The following PATJ variants were observed in gnomAD, a reference collection of about 807,000 sequenced individuals.
PATJ encodes the protein inaD-like protein.
In PATJ, 190 loss-of-function variants were observed where a neutral mutation model predicts 224.9. That is an observed-to-expected ratio of 0.84 (90% CI 0.75 to 0.95). PATJ has a LOEUF of 0.95. PATJ is among the 40% of genes least tolerant of loss of function. The pLI is 0.00. For synonymous variants in PATJ, 769 were observed against 820.3 expected (o/e 0.94, Z 1.07); for missense variants, 2,121 against 2,270.3 (o/e 0.93, Z 1.34).
intron 33 of PATJ, among the ~76,000 whole-genome samples, chr1:62,095,356 C>A (rs1229781927): frequency 6.6e-6 from 1 of 152,026 alleles, no homozygotes; most frequent in African/African-American, 2.4e-5. Flanking sequence ...GAGGTGATAC[C>A]AAATAACTCT....
At chr1:61,852,943 A>G (rs1663070625) in intron 17 of PATJ, among the ~76,000 whole-genome samples, 1 of 152,232 alleles carries the variant, frequency 6.6e-6, no homozygotes, top group South Asian at 2.1e-4. Flanking sequence ...GTCATCATAA[A>G]AAATGAAGCA....
chr1:61,794,714 G>A (rs887971776), intron 9 of PATJ, among the ~76,000 whole-genome samples: 5 of 151,990 alleles, frequency 3.3e-5, no homozygotes, highest in Non-Finnish European at 5.9e-5. Context: ...TGGGCCAGGC[G>A]TGGTGACTCA....
chr1:61,982,125 G>C (rs2149506715), intron 27 of PATJ, among the ~76,000 whole-genome samples: 1 of 152,096 alleles, frequency 6.6e-6, no homozygotes, highest in Non-Finnish European at 1.5e-5. Context: ...GGGGCAGGGG[G>C]CTTTCTAGTT....
rs1248030161 is a variant in PATJ at position 62,086,387 on chromosome 1, C to T, written c.4377+1739C>T. Among the ~76,000 whole-genome samples, 1 of 152,116 alleles carries T rather than the reference C, an allele frequency of 6.6e-6. No individual in the cohort carries two copies. The highest frequency in any genetic ancestry group is 1.5e-5 in the Non-Finnish European group (1 of 68,014). On this transcript the variant is annotated intron_variant, in intron 33 of 43. Coordinates refer to ENST00000642238, the MANE Select transcript of PATJ (RefSeq NM_001350145.3). The surrounding 1 kb of genome is among the most constrained non-coding windows in gnomAD (Gnocchi z 4.0). ...GGAAAAAAGTGAAAAATAAATCTCC[C>T]TCCTACCTTTTTGCCCTAGCTCTGC...
At chr1:61,778,185 T>C (rs1027063386) in intron 7 of PATJ, among the ~76,000 whole-genome samples, 3 of 152,118 alleles carry the variant, frequency 2.0e-5, no homozygotes, top group Non-Finnish European at 4.4e-5. Context: ...CGCCTGGCCT[T>C]ATTTTTATTT....
chr1:61,806,449 C>T (rs1256178154), intron 13 of PATJ, among the ~76,000 whole-genome samples: 2 of 151,696 alleles, frequency 1.3e-5, no homozygotes, highest in Non-Finnish European at 2.9e-5. Context: ...GAAACCTCGT[C>T]TCTACTAAAA....
chr1:62,053,211 A>G (rs1345954384), intron 31 of PATJ, among the ~76,000 whole-genome samples: 1 of 152,184 alleles, frequency 6.6e-6, no homozygotes, highest in East Asian at 1.9e-4. Flanking sequence ...ACTGCACTTC[A>G]CCAACAATTG....
At chr1:61,831,353 A>G (rs1299659861) in intron 16 of PATJ, among the ~76,000 whole-genome samples, 1 of 152,186 alleles carries the variant, frequency 6.6e-6, no homozygotes, top group Non-Finnish European at 1.5e-5. Context: ...TAAACCAAAG[A>G]ACTTTTGCAC....
intron 27 of PATJ, among the ~76,000 whole-genome samples, chr1:61,986,655 A>C (rs1286168630): frequency 6.6e-6 from 1 of 152,090 alleles, no homozygotes; most frequent in Non-Finnish European, 1.5e-5. Flanking sequence ...TCCTGGGCTC[A>C]AGCAGTCCTC....
rs772724944 is a variant in PATJ, at chr1:61,801,597, TA to T, written c.1403-20del. 31 of 1,412,080 alleles carry T rather than the reference TA, an allele frequency of 2.2e-5. No individual in the cohort carries two copies. The African/African-American group carries it at 3.8e-4, about 17-fold the overall frequency. 87.5% of individuals were successfully genotyped at this position (1,412,080 alleles called of 1,614,324 possible). On this transcript the variant is annotated intron_variant, in intron 11 of 43. Coordinates refer to ENST00000642238, the MANE Select transcript of PATJ (RefSeq NM_001350145.3). ...ATTCAAGTTAGCATTAACAAAATTT[TA>T]AAAAATTATTTTTTTTTGTTTTAGG...
chr1:61,963,528 A>C (rs1230125998), intron 27 of PATJ, among the ~76,000 whole-genome samples: 1 of 152,130 alleles, frequency 6.6e-6, no homozygotes, highest in African/African-American at 2.4e-5. Context: ...CCCAGGAGGC[A>C]GAGGTTGCAG....
chr1:61,831,555 C>G (rs941130711), intron 16 of PATJ, among the ~76,000 whole-genome samples: 5 of 152,158 alleles, frequency 3.3e-5, no homozygotes, highest in African/African-American at 1.2e-4. Flanking sequence ...AAGACATATA[C>G]GTGGCCAACC....
At chr1:61,978,211 TCCTTCCTTCCTTCCTC>T (rs1644248875) in intron 27 of PATJ, among the ~76,000 whole-genome samples, 1 of 139,830 alleles carries the variant, frequency 7.2e-6, no homozygotes, top group South Asian at 2.7e-4. Flanking sequence ...CTTCCTTCCT[TCCTTCCTTCCTTCCTC>T]CCTCCCTCCC....
At chr1:62,024,583 T>C (rs1245556515) in intron 29 of PATJ, among the ~76,000 whole-genome samples, 1 of 151,922 alleles carries the variant, frequency 6.6e-6, no homozygotes, top group East Asian at 1.9e-4. Flanking sequence ...TTTTCTTTTT[T>C]GCTGGTCAAT....
intron 27 of PATJ, among the ~76,000 whole-genome samples, chr1:61,952,870 G>A (rs895507891): frequency 2.7e-4 from 41 of 152,282 alleles, no homozygotes; most frequent in African/African-American, 9.6e-4. Flanking sequence ...TTTAAAAACT[G>A]ACCATTCAGC....
In PATJ at chr1:62,162,991, TAGA is replaced by T. The variant is rs1669946084; in HGVS notation, c.*1940_*1942del. The T allele has an allele frequency of 2.9e-6, 1 of 349,130 alleles. No homozygotes were observed. The highest frequency in any genetic ancestry group is 5.7e-6 in the Non-Finnish European group (1 of 175,706). 21.6% of individuals were successfully genotyped at this position (349,130 alleles called of 1,614,324 possible). On this transcript the variant is annotated 3_prime_UTR_variant, in exon 44 of 44. Transcript: ENST00000642238. ...GAAGGATGAGTACTAGAGTCAGTAA[TAGA>T]AGTAGTTCAGCATTATTTAACTACA...
chr1:62,001,365 T>C (rs1339223253), intron 28 of PATJ, among the ~76,000 whole-genome samples: 4 of 148,382 alleles, frequency 2.7e-5, no homozygotes, highest in Non-Finnish European at 6.0e-5. Context: ...TTAATTTTTG[T>C]ATAAGGTGTA....
chr1:61,881,584 G>A (rs1268623463), intron 21 of PATJ, among the ~76,000 whole-genome samples: 20 of 151,756 alleles, frequency 1.3e-4, no homozygotes. Context: ...GCTAATTTTT[G>A]TATTTTTAGT....
intron 22 of PATJ, among the ~76,000 whole-genome samples, chr1:61,884,828 A>G (rs1248618253): frequency 2.0e-5 from 3 of 152,188 alleles, no homozygotes; most frequent in African/African-American, 4.8e-5. Context: ...GATAGATATG[A>G]GAAATTAGTG....
Sources: gnomAD v4.1 joint callset for allele counts (sites outside exome capture counted in the v4.1 genomes callset) on GRCh38, gnomAD v4.1.1 for gene constraint, Gnocchi (gnomAD v3.1) non-coding constraint, MANE v1.5 for transcripts, NCBI Gene and HGNC (gene_info 2026-07-23, HGNC 2026-07-21) for gene names.